The following PPP6R1 variants were observed in gnomAD, a reference collection of about 807,000 sequenced individuals.
PPP6R1 encodes the protein serine/threonine-protein phosphatase 6 regulatory subunit 1.
PPP6R1 carries 39 observed loss-of-function variants against 104.6 expected under a neutral mutation model. That is an observed-to-expected ratio of 0.37 (90% CI 0.29 to 0.49). The LOEUF (loss-of-function observed/expected upper bound fraction) is 0.49. Among genes scored for constraint, PPP6R1 ranks in the 20% least tolerant of loss-of-function variants. The pLI is 0.98. For missense variants in PPP6R1, 1,181 were observed against 1,155.8 expected (o/e 1.02, Z -0.32); for synonymous variants, 549 against 479.0 (o/e 1.15, Z -1.91).
intron 21 of PPP6R1, 30 bp downstream of exon 21, chr19:55,231,380 G>C: frequency 6.4e-7 from 1 of 1,556,110 alleles, no homozygotes; most frequent in Non-Finnish European, 8.7e-7. Flanking sequence ...GACTTCTCCC[G>C]ATACTAGGCA....
chr19:55,232,004 G>A lies in PPP6R1; in HGVS notation c.2126-22C>T, dbSNP rs540778455. 1.5e-4 allele frequency: 235 copies of A among 1,605,364 alleles called. 1 individual carries two copies. Among genetic ancestry groups the A allele is most frequent in the South Asian group, 7.6e-4 (69 of 90,272 alleles). On this transcript the variant is annotated intron_variant, in intron 18 of 23. Transcript: ENST00000412770. ...GGGCCTGGGATAGAGGTGGGGGAGCGGGATGGAGGGTGAACTCAGTAGCAG... is the reference window on the plus strand; with the variant it reads ...GGGCCTGGGATAGAGGTGGGGGAGCAGGATGGAGGGTGAACTCAGTAGCAG...
Position 55,232,078 on chromosome 19 carries a change from G to A in PPP6R1, c.2122C>T (p.Pro708Ser), listed in dbSNP as rs1272316295. ...ACCACACCGCCCATTCATTCACCTG[G>A]AGGCTGAGGGCCAGGGCTGGGGTAG... ...LSYPSPGPQPPGPSWTATFDP... is the reference protein window; with the variant it reads ...LSYPSPGPQPSGPSWTATFDP... The change falls in exon 18 of 24, where the codon CCA becomes TCA. Residue 708 changes from proline (P) to serine (S), a missense_variant. Coordinates refer to ENST00000412770, the MANE Select transcript of PPP6R1 (RefSeq NM_014931.4). 2 of 1,611,684 alleles carry A rather than the reference G, an allele frequency of 1.2e-6. No homozygotes were observed. The highest frequency in any genetic ancestry group is 1.7e-6 in the Non-Finnish European group (2 of 1,178,998).
At position 55,230,848 on chromosome 19, in the gene PPP6R1, G is replaced by A. The variant is rs373321701; in HGVS notation, c.2496C>T (p.Ser832=). Residue 832 remains serine (S), a synonymous_variant, in exon 22 of 24, where the codon TCC becomes TCT. Coordinates refer to ENST00000412770, the MANE Select transcript of PPP6R1 (RefSeq NM_014931.4). ...TRDPSTSVPA[S]GAHQPPQTTE... ...TGGTCTGGGGGGGCTGGTGGGCCCC[G>A]GAGGCTGGGACAGAGGTAGAGGGGT... 3.4e-4 allele frequency: 545 copies of A among 1,599,928 alleles called. No individual in the cohort carries two copies. The highest frequency in any genetic ancestry group is 9.5e-4 in the South Asian group (86 of 90,640).
intron 17 of PPP6R1, chr19:55,236,371 G>A (rs1253920820): frequency 4.6e-6 from 2 of 430,724 alleles, no homozygotes; most frequent in Non-Finnish European, 8.2e-6. Context: ...CCCAGGGCTG[G>A]TCTCAAACTC....
At position 55,236,905 on chromosome 19, in the gene PPP6R1, G is replaced by A. The variant is rs776710755; in HGVS notation, c.1809+8C>T. On this transcript the variant is annotated splice_region_variant and intron_variant, in intron 16 of 23. Coordinates refer to ENST00000412770, the MANE Select transcript of PPP6R1 (RefSeq NM_014931.4). ...CCCGCCACAACCAGGGGACAGGGCAGTACTCACGTTCTCATCGTCAGCATT... is the reference window on the plus strand; with the variant it reads ...CCCGCCACAACCAGGGGACAGGGCAATACTCACGTTCTCATCGTCAGCATT... 2 of 1,612,700 alleles carry A rather than the reference G, an allele frequency of 1.2e-6. No individual in the cohort carries two copies. The highest frequency in any genetic ancestry group is 2.2e-5 in the East Asian group (1 of 44,882).
rs752073847 is a variant in PPP6R1 at position 55,232,066 on chromosome 19, T to C, written c.2125+9A>G. On this transcript the variant is annotated intron_variant, in intron 18 of 23. Coordinates refer to ENST00000412770, the MANE Select transcript of PPP6R1 (RefSeq NM_014931.4). ...TGTGTACACCTGACCACACCGCCCA[T>C]TCATTCACCTGGAGGCTGAGGGCCA... The C allele has an allele frequency of 3.1e-6, 5 of 1,611,998 alleles. No individual in the cohort carries two copies. The highest frequency in any genetic ancestry group is 2.7e-5 in the African/African-American group (2 of 74,874).
At chr19:55,255,046 A>C (rs990733796) in intron 1 of PPP6R1, among the ~76,000 whole-genome samples, 4 of 152,220 alleles carry the variant, frequency 2.6e-5, no homozygotes. Context: ...CCCAAGGCCC[A>C]ACAAGATGAT....
chr19:55,231,724 T>G, intron 19 of PPP6R1, 56 bp from the exon 20 acceptor site: 1 of 1,522,028 alleles, frequency 6.6e-7, no homozygotes, highest in South Asian at 1.3e-5. Flanking sequence ...CTCGAGCCTA[T>G]GAGAGGACGG....
At chr19:55,244,855 T>C (rs2087492480) in intron 5 of PPP6R1, among the ~76,000 whole-genome samples, 1 of 152,006 alleles carries the variant, frequency 6.6e-6, no homozygotes, top group Admixed American at 6.6e-5. Flanking sequence ...GCAATCCTCC[T>C]ACCTGAGCTT....
At position 55,245,067 on chromosome 19, in the gene PPP6R1, G is replaced by GGCA; in HGVS notation, c.618+50_618+52dup. The GGCA allele has an allele frequency of 1.3e-6, 2 of 1,596,062 alleles. No individual in the cohort carries two copies. The highest frequency in any genetic ancestry group is 1.7e-6 in the Non-Finnish European group (2 of 1,170,276). On this transcript the variant is annotated intron_variant, in intron 5 of 23. Transcript: ENST00000412770. This position sits in a 1 kb window ranked among gnomAD's most constrained non-coding sequence, Gnocchi z 6.4. ...TTCCTCTTTTAAAAGTGGGGAAGTG[G>GGCA]GCATGGGGAAGGAACTCTAAGGGGA...
chr19:55,242,099 G>A (rs1000920777), intron 7 of PPP6R1, 67 bp downstream of exon 7: 25 of 1,463,988 alleles, frequency 1.7e-5, no homozygotes, highest in South Asian at 8.1e-5. Flanking sequence ...ACCGAGACCC[G>A]CCTCTGAGGG....
chr19:55,231,705 G>C (rs1295995543), intron 19 of PPP6R1, 37 bp from the exon 20 acceptor site: 7 of 1,553,946 alleles, frequency 4.5e-6, no homozygotes, highest in East Asian at 2.3e-5. Context: ...GGGGCAGCTA[G>C]GGTTAGCACT....
intron 10 of PPP6R1, among the ~76,000 whole-genome samples, chr19:55,240,526 C>T (rs1469739900): frequency 7.0e-6 from 1 of 142,044 alleles, no homozygotes; most frequent in African/African-American, 2.9e-5. Flanking sequence ...CACACACACA[C>T]ACACACACAC....
At chr19:55,243,892 A>G (rs929703278) in intron 5 of PPP6R1, among the ~76,000 whole-genome samples, 2 of 152,194 alleles carry the variant, frequency 1.3e-5, no homozygotes, top group African/African-American at 4.8e-5. Context: ...GGCTCAAGCA[A>G]TCCTCCAGCC....
chr19:55,256,159 C>T (rs1164472712), intron 1 of PPP6R1, among the ~76,000 whole-genome samples: 1 of 152,220 alleles, frequency 6.6e-6, no homozygotes, highest in Non-Finnish European at 1.5e-5. Flanking sequence ...CCAACAAAAG[C>T]TAATGGCCAC....
At position 55,242,484 on chromosome 19, in the gene PPP6R1, T is replaced by A; in HGVS notation, c.623A>T (p.His208Leu). The part of the protein sequence containing the change: ...QIHPSKDENQ[H>L]SNASQSLCDI... The stretch of plus-strand genomic sequence containing the variant: ...ACACAGGGACTGGGATGCGTTGGAA[T>A]GTTGCTGGAACGGGGAGAGACAGGT... Residue 208 changes from histidine (H) to leucine (L), a missense_variant, in exon 6 of 24, where the codon CAT becomes CTT. Transcript: ENST00000412770. 1 of 1,613,056 alleles carries A rather than the reference T, an allele frequency of 6.2e-7. No individual in the cohort carries two copies. The highest frequency in any genetic ancestry group is 8.5e-7 in the Non-Finnish European group (1 of 1,179,056).
intron 1 of PPP6R1, chr19:55,255,830 C>T (rs966191148): frequency 6.6e-6 from 1 of 152,132 alleles, no homozygotes; most frequent in African/African-American, 2.4e-5. Flanking sequence ...CAGGGAGCCT[C>T]CCCCCCGCAT....
intron 1 of PPP6R1, among the ~76,000 whole-genome samples, chr19:55,253,192 T>A (rs540922173): frequency 6.6e-6 from 1 of 152,324 alleles, no homozygotes; most frequent in African/African-American, 2.4e-5. Flanking sequence ...TTGTCTCGGC[T>A]CCACATCAAG....
At chr19:55,228,218 G>A (rs1159944274), downstream of PPP6R1, 1 of 1,611,706 alleles carries the variant, frequency 6.2e-7, no homozygotes, top group Non-Finnish European at 8.5e-7. Flanking sequence ...GGCCAGATGA[G>A]GCAAGCGTCC....
Sources: gnomAD v4.1 joint callset for allele counts (sites outside exome capture counted in the v4.1 genomes callset) on GRCh38, gnomAD v4.1.1 for gene constraint, Gnocchi (gnomAD v3.1) non-coding constraint, MANE v1.5 for transcripts, NCBI Gene and HGNC (gene_info 2026-07-23, HGNC 2026-07-21) for gene names.